CRYL1: variants seen among roughly 807,000 people sequenced by gnomAD.
CRYL1 encodes the protein crystallin lambda 1.
Under a neutral mutation model 36.6 loss-of-function variants are expected in CRYL1, and 29 were observed. That is an observed-to-expected ratio of 0.79 (90% CI 0.59 to 1.08). The LOEUF (loss-of-function observed/expected upper bound fraction) is 1.08. CRYL1 is among the 50% of genes least tolerant of loss of function. The pLI, the probability that CRYL1 is intolerant of heterozygous loss-of-function variation, is 0.00. For missense variants in CRYL1, 411 were observed against 407.9 expected, an observed-to-expected ratio of 1.01 and a Z score of -0.06; for synonymous variants, 152 against 151.5, an observed-to-expected ratio of 1.00 and a Z score of -0.02.
chr13:20,426,883 C>T (rs572795374), intron 5 of CRYL1: 57 of 985,516 alleles, frequency 5.8e-5, no homozygotes, highest in Non-Finnish European at 6.4e-5. Context: ...TCAATCTCTG[C>T]GGCCCAGGCC....
At chr13:20,509,885 G>C (rs553342952) in intron 2 of CRYL1, among the ~76,000 whole-genome samples, 1 of 152,290 alleles carries the variant, frequency 6.6e-6, no homozygotes, top group Admixed American at 6.5e-5. Context: ...AGCCGAGATC[G>C]TGCCATTGCA....
intron 3 of CRYL1, among the ~76,000 whole-genome samples, chr13:20,452,249 A>AG (rs2137419089): frequency 6.6e-6 from 1 of 151,904 alleles, no homozygotes; most frequent in African/African-American, 2.4e-5. Flanking sequence ...AATTAAAAAA[A>AG]AAAAAAAGCA....
Position 20,413,357 on chromosome 13 carries a change from G to A in CRYL1, c.664C>T (p.Leu222Phe), listed in dbSNP as rs74036319. 56 of 1,613,638 alleles carry A rather than the reference G, an allele frequency of 3.5e-5. No homozygotes were observed. In the African/African-American group the frequency reaches 6.3e-4, roughly 18 times the overall value. Residue 222 changes from leucine (L) to phenylalanine (F), a missense_variant, in exon 6 of 8, where the codon CTT becomes TTT. Leu to Phe is a conservative substitution (Grantham distance 22). Transcript: ENST00000298248. ...ATGCCCAACCCTTCTGACATGACAAGGTCCAGGTCACTAGGAGACACGATT... is the reference window on the plus strand; with the variant it reads ...ATGCCCAACCCTTCTGACATGACAAAGTCCAGGTCACTAGGAGACACGATT... ...EGIVSPSDLD[L>F]VMSEGLGMRY...
intron 3 of CRYL1, among the ~76,000 whole-genome samples, chr13:20,441,423 G>A (rs2032349207): frequency 6.6e-6 from 1 of 152,150 alleles, no homozygotes. Flanking sequence ...TCTCAGTGCA[G>A]TGTGCCACCA....
chr13:20,525,718 G>A lies in CRYL1; in HGVS notation c.41+36C>T, dbSNP rs1195381579. The stretch of plus-strand genomic sequence containing the variant: ...CACCACGTCCCCGGCGTCTCCCCGG[G>A]CTCCAGGGGCAGCAGCGCGGCTCGG... On this transcript the variant is annotated intron_variant, in intron 1 of 7. Coordinates refer to ENST00000298248, the MANE Select transcript of CRYL1 (RefSeq NM_015974.3). This position sits in a 1 kb window ranked among gnomAD's most constrained non-coding sequence, Gnocchi z 4.3. The A allele has an allele frequency of 1.5e-6, 2 of 1,339,838 alleles. No individual in the cohort carries two copies. The highest frequency in any genetic ancestry group is 1.9e-5 in the South Asian group (1 of 53,562). 83.0% of individuals were successfully genotyped at this position (1,339,838 alleles called of 1,614,324 possible). A position where few individuals can be genotyped will look rare whatever the true frequency, so the allele number is the denominator to read the frequency against.
intron 3 of CRYL1, among the ~76,000 whole-genome samples, chr13:20,464,048 C>G (rs1198910076): frequency 2.0e-5 from 3 of 152,140 alleles, no homozygotes. Context: ...ATAAATAAAA[C>G]TAACATGAAT....
At chr13:20,522,911 C>CTTTTTTTTTTTTTTTTTT (rs386378385) in intron 1 of CRYL1, among the ~76,000 whole-genome samples, 6 of 82,956 alleles carry the variant, frequency 7.2e-5, no homozygotes, top group African/African-American at 1.8e-4. Flanking sequence ...CCCATTTCTA[C>CTTTTTTTTTTTTTTTTTT]TTTTTTTTTT....
At chr13:20,508,887 A>G (rs530464725) in intron 2 of CRYL1, among the ~76,000 whole-genome samples, 88 of 127,068 alleles carry the variant, frequency 6.9e-4, no homozygotes, top group African/African-American at 2.4e-3. Context: ...AAAAAAAAAA[A>G]ACTGACAACA....
chr13:20,427,231 A>G, intron 5 of CRYL1: 1 of 985,482 alleles, frequency 1.0e-6, no homozygotes, highest in Non-Finnish European at 1.2e-6. Context: ...AGTAAGTGTC[A>G]GTAGATTGTG....
In CRYL1 at chr13:20,460,936, G is replaced by T. The variant is rs1460030653; in HGVS notation, c.277-21182C>A. ...CAGCTGGGTGGGTTTTCACACAAAGGGCTCGTGTAGGCAGCAAGGAACCCT... is the reference window on the plus strand; with the variant it reads ...CAGCTGGGTGGGTTTTCACACAAAGTGCTCGTGTAGGCAGCAAGGAACCCT... On this transcript the variant is annotated intron_variant, in intron 3 of 7. Transcript: ENST00000298248. Among the ~76,000 whole-genome samples the T allele has an allele frequency of 2.0e-5, 3 of 152,172 alleles. No homozygotes were observed. In the East Asian group the frequency reaches 5.8e-4, roughly 29 times the overall value.
At chr13:20,460,981 T>C (rs998533685) in intron 3 of CRYL1, among the ~76,000 whole-genome samples, 14 of 152,070 alleles carry the variant, frequency 9.2e-5, no homozygotes, top group Admixed American at 2.6e-4. Context: ...CGCCCTCCCC[T>C]GGGCCTCACG....
chr13:20,519,525 G>A (rs1391922350), intron 1 of CRYL1, among the ~76,000 whole-genome samples: 1 of 146,162 alleles, frequency 6.8e-6, no homozygotes, highest in African/African-American at 2.4e-5. Flanking sequence ...CACTTTAGGA[G>A]GCTGAAGTAG....
chr13:20,443,220 A>G (rs2032383166), intron 3 of CRYL1, among the ~76,000 whole-genome samples: 1 of 152,166 alleles, frequency 6.6e-6, no homozygotes, highest in Admixed American at 6.5e-5. Flanking sequence ...CAAGTCTGCT[A>G]ACTGGACCAC....
At chr13:20,498,777 T>C (rs934017241) in intron 2 of CRYL1, among the ~76,000 whole-genome samples, 3 of 152,202 alleles carry the variant, frequency 2.0e-5, no homozygotes, top group Admixed American at 6.5e-5. Context: ...TCATGCTGTC[T>C]TTACTAGGTC....
intron 5 of CRYL1, chr13:20,430,151 C>T (rs933332215): frequency 2.8e-4 from 271 of 977,542 alleles, no homozygotes; most frequent in Non-Finnish European, 3.3e-4. Flanking sequence ...GTTTCTAGAG[C>T]TGCCTTGGGC....
At position 20,425,432 on chromosome 13, in the gene CRYL1, A is replaced by G. The variant is rs963482818; in HGVS notation, c.633+6670T>C. On this transcript the variant is annotated intron_variant, in intron 5 of 7. Transcript: ENST00000298248. This position sits in a 1 kb window ranked among gnomAD's most constrained non-coding sequence, Gnocchi z 4.4. ...CTCAGGGCACCTGCTCACGTTGACA[A>G]TGATATTAGTGAAACGGCAGAGCCT... Among the ~76,000 whole-genome samples the G allele has an allele frequency of 4.6e-5, 7 of 152,206 alleles. No individual in the cohort carries two copies. Among genetic ancestry groups the G allele is most frequent in the Non-Finnish European group, 7.3e-5 (5 of 68,028 alleles).
At chr13:20,508,736 C>A (rs1268093955) in intron 2 of CRYL1, among the ~76,000 whole-genome samples, 3 of 151,338 alleles carry the variant, frequency 2.0e-5, no homozygotes, top group African/African-American at 4.9e-5. Flanking sequence ...GTAGTCCCAG[C>A]TACTCAGGAG....
In CRYL1 at chr13:20,463,519, A is replaced by G. The variant is rs6490581; in HGVS notation, c.277-23765T>C. Among the ~76,000 whole-genome samples, 146,187 of 152,280 alleles carry G rather than the reference A, an allele frequency of 0.96. 70,436 individuals are homozygous for G. Among genetic ancestry groups the G allele is most frequent in the South Asian group, 1 (4,824 of 4,826 alleles). On this transcript the variant is annotated intron_variant, in intron 3 of 7. Coordinates refer to ENST00000298248, the MANE Select transcript of CRYL1 (RefSeq NM_015974.3). ...AGCTTTTACCCTCATCCTCCAATAG[A>G]CTGGAGAAATTTTATCACCCCCTTT...
At chr13:20,510,838 C>T (rs779408213) in intron 2 of CRYL1, among the ~76,000 whole-genome samples, 21 of 151,906 alleles carry the variant, frequency 1.4e-4, no homozygotes, top group Non-Finnish European at 2.8e-4. Context: ...GTCTCCAACT[C>T]CTGAGCTCAG....
Sources: allele counts gnomAD v4.1 joint callset (sites outside exome capture counted in the v4.1 genomes callset), GRCh38; gene constraint gnomAD v4.1.1; non-coding constraint Gnocchi (gnomAD v3.1); transcripts MANE v1.5; gene names NCBI Gene and HGNC (gene_info 2026-07-23, HGNC 2026-07-21).